The following ESRRB variants were observed in gnomAD, a reference collection of about 807,000 sequenced individuals.
ESRRB encodes the protein estrogen related receptor beta.
In ESRRB, 16 loss-of-function variants were observed where a neutral mutation model predicts 46.0. The ratio of observed to expected loss-of-function variants is 0.35; its 90% CI spans 0.24 to 0.53. The LOEUF is 0.53. Ranked by LOEUF, ESRRB falls within the 20% of genes least tolerant of loss-of-function variation. The pLI, the probability that ESRRB is intolerant of heterozygous loss-of-function variation, is 0.93. For missense variants in ESRRB, 488 were observed against 607.4 expected, an observed-to-expected ratio of 0.80 and a Z score of 2.07; for synonymous variants, 246 against 259.6, an observed-to-expected ratio of 0.95 and a Z score of 0.50.
chr14:76,418,682 T>A (rs956200462), intron 1 of ESRRB, among the ~76,000 whole-genome samples: 3 of 152,178 alleles, frequency 2.0e-5, no homozygotes, highest in Non-Finnish European at 4.4e-5. Context: ...TGGAGCGATC[T>A]CGGCTCACTA....
chr14:76,384,866 G>T (rs936730836), intron 1 of ESRRB, among the ~76,000 whole-genome samples: 5 of 150,108 alleles, frequency 3.3e-5, no homozygotes, highest in African/African-American at 5.1e-5. Context: ...GCTTCTATGA[G>T]GCCGTTGTCC....
intron 1 of ESRRB, among the ~76,000 whole-genome samples, chr14:76,329,255 A>G (rs1277322917): frequency 6.6e-6 from 1 of 152,112 alleles, no homozygotes; most frequent in African/African-American, 2.4e-5. Context: ...CCTAGAATAA[A>G]TAAATAATCG....
chr14:76,365,539 G>T (rs1372512296), intron 1 of ESRRB, among the ~76,000 whole-genome samples: 2 of 152,156 alleles, frequency 1.3e-5, no homozygotes, highest in Non-Finnish European at 2.9e-5. Context: ...TGAACGCAGG[G>T]GTATGTAGTA....
intron 1 of ESRRB, among the ~76,000 whole-genome samples, chr14:76,405,387 C>G (rs1886139327): frequency 6.6e-6 from 1 of 152,150 alleles, no homozygotes. Flanking sequence ...GCTGGGGTTA[C>G]AGGTGTGAGC....
chr14:76,430,824 A>G (rs770471242), intron 1 of ESRRB, among the ~76,000 whole-genome samples: 2 of 152,124 alleles, frequency 1.3e-5, no homozygotes, highest in Non-Finnish European at 2.9e-5. Context: ...CCCAGCAGGG[A>G]TGAGGCTCTG....
chr14:76,318,311 AG>A (rs2139724105), intron 1 of ESRRB, among the ~76,000 whole-genome samples: 1 of 152,308 alleles, frequency 6.6e-6, no homozygotes, highest in East Asian at 1.9e-4. Context: ...GACCTCTGCA[AG>A]TTCTTAACTT....
intron 1 of ESRRB, among the ~76,000 whole-genome samples, chr14:76,418,344 C>A (rs563317355): frequency 1.3e-5 from 2 of 152,150 alleles, no homozygotes; most frequent in Non-Finnish European, 2.9e-5. Flanking sequence ...TCCTGTATAA[C>A]CCTTATCTGG....
At position 76,501,317 on chromosome 14, in the gene ESRRB, T is replaced by A. The variant is rs187244352; in HGVS notation, c.*2859T>A. 2 of 153,170 alleles carry A rather than the reference T, an allele frequency of 1.3e-5. No homozygotes were observed. Among genetic ancestry groups the A allele is most frequent in the East Asian group, 3.8e-4 (2 of 5,210 alleles). 9.5% of individuals were successfully genotyped at this position (153,170 alleles called of 1,614,324 possible). On this transcript the variant is annotated 3_prime_UTR_variant, in exon 7 of 7. Transcript: ENST00000644823. ...AAAGTTTCCAGACTGGCTTTGTCAC[T>A]TTGTGAACTCGTCATGTGTGAAAAC...
Position 76,500,750 on chromosome 14 carries a change from G to A in ESRRB, c.*2292G>A. 3 of 1,613,216 alleles carry A rather than the reference G, an allele frequency of 1.9e-6. No individual in the cohort carries two copies. The highest frequency in any genetic ancestry group is 2.5e-6 in the Non-Finnish European group (3 of 1,179,232). ...CTGGCTTGGAGCAAGTGGGTGTTCT[G>A]CACACCAGGCAGCTGCACCTCACTG... On this transcript the variant is annotated 3_prime_UTR_variant, in exon 7 of 7. Transcript: ENST00000644823.
intron 3 of ESRRB, among the ~76,000 whole-genome samples, chr14:76,471,994 C>T (rs191667338): frequency 6.6e-6 from 1 of 152,268 alleles, no homozygotes; most frequent in African/African-American, 2.4e-5. Context: ...CTTTGCCATG[C>T]CTGATCTGGT....
At chr14:76,468,297 C>T (rs1049379067) in intron 3 of ESRRB, among the ~76,000 whole-genome samples, 2 of 152,080 alleles carry the variant, frequency 1.3e-5, no homozygotes, top group African/African-American at 4.8e-5. Context: ...CAAACCAACT[C>T]TTTACCACTT....
chr14:76,381,585 C>T (rs567062770), intron 1 of ESRRB, among the ~76,000 whole-genome samples: 4 of 152,264 alleles, frequency 2.6e-5, no homozygotes, highest in African/African-American at 7.2e-5. Context: ...AAGGATGTGA[C>T]GGAAGGACTG....
intron 1 of ESRRB, among the ~76,000 whole-genome samples, chr14:76,311,660 G>A (rs1179957553): frequency 1.3e-5 from 2 of 152,344 alleles, no homozygotes; most frequent in East Asian, 3.9e-4. Context: ...GCCAAAGCCA[G>A]GTGTGGAGGG....
Position 76,424,022 on chromosome 14 carries a change from C to G in ESRRB, c.51-15319C>G, listed in dbSNP as rs527674571. ...AGCAGAGGAATGTTGTGACTTACAC[C>G]CCTTCATGATGTAACTCATGACAGC... On this transcript the variant is annotated intron_variant, in intron 1 of 6. Transcript: ENST00000644823. 1.1e-3 allele frequency among the ~76,000 whole-genome samples: 165 copies of G among 152,254 alleles called. 1 individual carries two copies. Among genetic ancestry groups the G allele is most frequent in the African/African-American group, 3.9e-3 (163 of 41,550 alleles).
chr14:76,467,932 C>G (rs1342612439), intron 3 of ESRRB, among the ~76,000 whole-genome samples: 10 of 152,140 alleles, frequency 6.6e-5, no homozygotes, highest in African/African-American at 2.2e-4. Context: ...CCACTCAGCC[C>G]CTGCCTGCCT....
intron 1 of ESRRB, among the ~76,000 whole-genome samples, chr14:76,354,220 A>C (rs1298743100): frequency 0.083 from 2,325 of 27,884 alleles, 3 homozygotes; most frequent in East Asian, 0.22. Flanking sequence ...AGGGTCCTCT[A>C]CCCGCCCCCC....
At chr14:76,472,596 G>T (rs937819512) in intron 3 of ESRRB, among the ~76,000 whole-genome samples, 2 of 152,234 alleles carry the variant, frequency 1.3e-5, no homozygotes, top group Admixed American at 6.5e-5. Flanking sequence ...AGGCAAGCTT[G>T]CCTGTCACCC....
chr14:76,462,850 G>A (rs1272100697), intron 3 of ESRRB, among the ~76,000 whole-genome samples, 189 bp downstream of exon 3: 1 of 152,124 alleles, frequency 6.6e-6, no homozygotes, highest in Non-Finnish European at 1.5e-5. Flanking sequence ...AGGGAGGTGG[G>A]AATTGGAATT....
At chr14:76,409,943 G>C (rs12895498) in intron 1 of ESRRB, among the ~76,000 whole-genome samples, 1 of 152,206 alleles carries the variant, frequency 6.6e-6, no homozygotes, top group Non-Finnish European at 1.5e-5. Flanking sequence ...AGAGGACCAG[G>C]CTGGGCCTGG....
Sources: gnomAD v4.1 joint callset for allele counts (sites outside exome capture counted in the v4.1 genomes callset) on GRCh38, gnomAD v4.1.1 for gene constraint, MANE v1.5 for transcripts, NCBI Gene and HGNC (gene_info 2026-07-23, HGNC 2026-07-21) for gene names.